PDCD2L: variants seen among roughly 807,000 people sequenced by gnomAD.
PDCD2L encodes the protein programmed cell death 2 like.
A neutral mutation model predicts 40.4 loss-of-function variants in PDCD2L; 44 were observed. That is an observed-to-expected ratio of 1.09 (90% CI 0.86 to 1.40). The LOEUF (loss-of-function observed/expected upper bound fraction) is 1.40. PDCD2L is among the 40% of genes most tolerant of loss of function. The pLI is 0.00. For missense variants in PDCD2L, 470 were observed against 453.7 expected, an observed-to-expected ratio of 1.04 and a Z score of -0.33; for synonymous variants, 194 against 174.6, an observed-to-expected ratio of 1.11 and a Z score of -0.88.
chr19:34,408,357 G>A (rs1027606090), intron 3 of PDCD2L, among the ~76,000 whole-genome samples: 1 of 150,254 alleles, frequency 6.7e-6, no homozygotes, highest in African/African-American at 2.5e-5. Context: ...TTGAGACCGA[G>A]TGTCGCTCTG....
At chr19:34,405,099 G>T in intron 3 of PDCD2L, 109 bp downstream of exon 3, 121 of 704,632 alleles carry the variant, frequency 1.7e-4, no homozygotes, top group South Asian at 2.4e-4. Flanking sequence ...ACACTGGAGT[G>T]TTTTTTGCTT....
At chr19:34,416,378 C>G (rs910205783) in intron 5 of PDCD2L, among the ~76,000 whole-genome samples, 1 of 152,102 alleles carries the variant, frequency 6.6e-6, no homozygotes, top group Non-Finnish European at 1.5e-5. Flanking sequence ...CTCTCAGAAG[C>G]AACATTCCTT....
At chr19:34,421,449 A>G in intron 5 of PDCD2L, 70 bp from the exon 6 acceptor site, 11 of 1,548,252 alleles carry the variant, frequency 7.1e-6, no homozygotes, top group Non-Finnish European at 8.8e-6. Context: ...AAGGTTGCAA[A>G]GCATGGCCTT....
chr19:34,423,690 C>T (rs966864248), intron 6 of PDCD2L, among the ~76,000 whole-genome samples: 2 of 150,470 alleles, frequency 1.3e-5, no homozygotes, highest in Non-Finnish European at 3.0e-5. Context: ...GACGGGGTTT[C>T]GCCATGTTGG....
At position 34,404,420 on chromosome 19, in the gene PDCD2L, G is replaced by C; in HGVS notation, c.-11G>C. On this transcript the variant is annotated 5_prime_UTR_variant, in exon 1 of 7. Transcript: ENST00000246535. ...CCGTAGTTTGCGTTTTCACCTGGTC[G>C]CCCGGCGGCCATGGCGGCCGTTCTG... 1.3e-6 allele frequency: 2 copies of C among 1,539,194 alleles called. No homozygotes were observed. The highest frequency in any genetic ancestry group is 1.7e-6 in the Non-Finnish European group (2 of 1,143,444).
chr19:34,408,847 T>A (rs1369952127), intron 3 of PDCD2L, among the ~76,000 whole-genome samples: 1 of 152,202 alleles, frequency 6.6e-6, no homozygotes, highest in Admixed American at 6.5e-5. Context: ...CTAAGGGGTC[T>A]GGGAAAGGTA....
In PDCD2L at chr19:34,422,998, G is replaced by T. The variant is rs552143724; in HGVS notation, c.946+1331G>T. ...CTCCCAAAGTGCTGGGATTACAGGC[G>T]TGAGCTGCCACGCCTGGCCTGGACT... On this transcript the variant is annotated intron_variant, in intron 6 of 6. Coordinates refer to ENST00000246535, the MANE Select transcript of PDCD2L (RefSeq NM_032346.2). Among the ~76,000 whole-genome samples, 4 of 152,020 alleles carry T rather than the reference G, an allele frequency of 2.6e-5. No homozygotes were observed. In the East Asian group the frequency reaches 5.8e-4, roughly 22 times the overall value.
intron 5 of PDCD2L, among the ~76,000 whole-genome samples, chr19:34,415,687 GCA>G (rs1173141202): frequency 1.4e-4 from 21 of 152,152 alleles, no homozygotes; most frequent in African/African-American, 4.6e-4. Flanking sequence ...CCTTGTATCA[GCA>G]CTGAACAAAG....
At chr19:34,419,096 T>C (rs2075137655) in intron 5 of PDCD2L, among the ~76,000 whole-genome samples, 1 of 152,228 alleles carries the variant, frequency 6.6e-6, no homozygotes, top group Non-Finnish European at 1.5e-5. Flanking sequence ...TTATGGTTTT[T>C]TTAACACGGA....
intron 6 of PDCD2L, among the ~76,000 whole-genome samples, chr19:34,422,571 G>T (rs1177379867): frequency 1.3e-5 from 2 of 152,080 alleles, no homozygotes; most frequent in Non-Finnish European, 2.9e-5. Flanking sequence ...CAAGTCAGAT[G>T]AATGTATGGA....
Position 34,404,439 on chromosome 19 carries a change from C to G in PDCD2L, c.9C>G (p.Ala3=), listed in dbSNP as rs1484707225. Residue 3 remains alanine (A), a synonymous_variant, in exon 1 of 7, where the codon GCC becomes GCG. Transcript: ENST00000246535. Reference sequence around the variant, plus strand: ...CTGGTCGCCCGGCGGCCATGGCGGCCGTTCTGAAGCCGGTGCTGCTGGGCC... The same window carrying G: ...CTGGTCGCCCGGCGGCCATGGCGGCGGTTCTGAAGCCGGTGCTGCTGGGCC... MA[A]VLKPVLLGLR... is the part of the protein sequence containing the mutation. 1 of 1,542,678 alleles carries G rather than the reference C, an allele frequency of 6.5e-7. No individual in the cohort carries two copies. The highest frequency in any genetic ancestry group is 1.4e-5 in the African/African-American group (1 of 72,794).
intron 4 of PDCD2L, among the ~76,000 whole-genome samples, chr19:34,412,500 T>C (rs1265308187): frequency 6.6e-6 from 1 of 152,008 alleles, no homozygotes; most frequent in Non-Finnish European, 1.5e-5. Context: ...GATGGATCAC[T>C]TGAGGTCAGG....
chr19:34,408,740 A>G (rs193062944), intron 3 of PDCD2L, among the ~76,000 whole-genome samples: 6 of 152,254 alleles, frequency 3.9e-5, no homozygotes, highest in Admixed American at 3.9e-4. Flanking sequence ...ACCTTTTGCT[A>G]TGTGGTCTTT....
rs1039858777 is a variant in PDCD2L at position 34,405,349 on chromosome 19, G to T, written c.336+359G>T. ...TTAATAGAGACGGGGTTTCGCCATG[G>T]TGGTCAGGCTGGTCTCGAACTGCCG... On this transcript the variant is annotated intron_variant, in intron 3 of 6. Transcript: ENST00000246535. Among the ~76,000 whole-genome samples the T allele has an allele frequency of 1.5e-4, 23 of 150,866 alleles. No individual in the cohort carries two copies. The East Asian group carries it at 3.8e-3, about 25-fold the overall frequency.
chr19:34,424,539 T>C (rs549605940), intron 6 of PDCD2L, among the ~76,000 whole-genome samples: 1 of 152,270 alleles, frequency 6.6e-6, no homozygotes, highest in African/African-American at 2.4e-5. Context: ...TGGGGTTTTA[T>C]ACTTCCTGGG....
In PDCD2L at chr19:34,404,438, C is replaced by G; in HGVS notation, c.8C>G (p.Ala3Gly). Residue 3 changes from alanine to glycine, a missense_variant, in exon 1 of 7, where the codon GCC becomes GGC. Physicochemically the swap from Ala to Gly is moderately conservative, Grantham distance 60. Coordinates refer to ENST00000246535, the MANE Select transcript of PDCD2L (RefSeq NM_032346.2). Reference protein sequence around the residue: MAAVLKPVLLGLR... With the variant: MAGVLKPVLLGLR... Reference sequence around the variant, plus strand: ...CCTGGTCGCCCGGCGGCCATGGCGGCCGTTCTGAAGCCGGTGCTGCTGGGC... The same window carrying G: ...CCTGGTCGCCCGGCGGCCATGGCGGGCGTTCTGAAGCCGGTGCTGCTGGGC... 6.5e-7 allele frequency: 1 copy of G among 1,542,728 alleles called. No homozygotes were observed. The highest frequency in any genetic ancestry group is 8.7e-7 in the Non-Finnish European group (1 of 1,144,784).
At chr19:34,424,061 C>T (rs958219303) in intron 6 of PDCD2L, among the ~76,000 whole-genome samples, 5 of 151,636 alleles carry the variant, frequency 3.3e-5, no homozygotes, top group African/African-American at 1.2e-4. Flanking sequence ...TGTATAGACC[C>T]CTGTGTTGTC....
chr19:34,411,992 T>TA, intron 4 of PDCD2L, among the ~76,000 whole-genome samples: 1 of 124,398 alleles, frequency 8.0e-6, no homozygotes, highest in Non-Finnish European at 1.8e-5. Flanking sequence ...ATAAAATAAA[T>TA]AATAAAATAT....
Position 34,406,699 on chromosome 19 carries a change from C to G in PDCD2L, c.336+1709C>G, listed in dbSNP as rs141935181. ...AGCCCCTGTGCCCAGCCACAATACTCTATTATTAACTATATTCATGCTGTG... is the reference window on the plus strand; with the variant it reads ...AGCCCCTGTGCCCAGCCACAATACTGTATTATTAACTATATTCATGCTGTG... On this transcript the variant is annotated intron_variant, in intron 3 of 6. Transcript: ENST00000246535. Among the ~76,000 whole-genome samples, 462 of 150,436 alleles carry G rather than the reference C, an allele frequency of 3.1e-3. 5 individuals carry two copies. The highest frequency in any genetic ancestry group is 3.1e-3 in the Non-Finnish European group (211 of 67,516).
Sources: gnomAD v4.1 joint callset for allele counts (sites outside exome capture counted in the v4.1 genomes callset) on GRCh38, gnomAD v4.1.1 for gene constraint, MANE v1.5 for transcripts, NCBI Gene and HGNC (gene_info 2026-07-23, HGNC 2026-07-21) for gene names.